Variants in PLA2G7 observed in about 807,000 individuals in gnomAD.
PLA2G7 encodes the protein platelet-activating factor acetylhydrolase.
A neutral mutation model predicts 49.6 loss-of-function variants in PLA2G7; 63 were observed. The ratio of observed to expected loss-of-function variants is 1.27; its 90% confidence interval spans 1.04 to 1.57. PLA2G7 has a LOEUF of 1.57. PLA2G7 is among the 40% of genes most tolerant of loss of function. PLA2G7 has a pLI of 0.00. For missense variants in PLA2G7, 596 were observed against 521.2 expected, an observed-to-expected ratio of 1.14 and a Z score of -1.40; for synonymous variants, 193 against 169.9, an observed-to-expected ratio of 1.14 and a Z score of -1.06.
chr6:46,716,995 T>G lies in PLA2G7; in HGVS notation c.211A>C (p.Met71Leu). Reference protein sequence around the residue: ...GPYSVGCTDLMFDHTNKGTFL... With the variant: ...GPYSVGCTDLLFDHTNKGTFL... The stretch of plus-strand genomic sequence containing the variant: ...ATTACCTTATTAGTGTGATCAAACA[T>G]TAAGTCTGTACAACCAACGGAATAA... The change falls in exon 3 of 12, where the codon ATG (methionine) becomes CTG (leucine). Residue 71 changes from methionine to leucine, a missense_variant. Coordinates refer to ENST00000274793, the MANE Select transcript of PLA2G7 (RefSeq NM_005084.4). 1 of 1,613,716 alleles carries G rather than the reference T, an allele frequency of 6.2e-7. No homozygotes were observed. The highest frequency in any genetic ancestry group is 8.5e-7 in the Non-Finnish European group (1 of 1,179,632).
rs185850654 is a variant in PLA2G7, at chr6:46,731,227, A to G, written c.-35+3953T>C. Among the ~76,000 whole-genome samples the G allele has an allele frequency of 2.6e-4, 40 of 152,270 alleles. No individual in the cohort carries two copies. In the East Asian group the frequency reaches 5.6e-3, roughly 21 times the overall value. Reference sequence around the variant, plus strand: ...TGGTAAACAACTTTAAAACTTCCTGACACTCTAAAACTTAGTGATAAACGA... The same window carrying G: ...TGGTAAACAACTTTAAAACTTCCTGGCACTCTAAAACTTAGTGATAAACGA... On this transcript the variant is annotated intron_variant, in intron 1 of 11. Transcript: ENST00000274793.
chr6:46,725,127 T>C (rs1183265230), intron 1 of PLA2G7, among the ~76,000 whole-genome samples: 1 of 152,198 alleles, frequency 6.6e-6, no homozygotes, highest in East Asian at 1.9e-4. Flanking sequence ...AACAGGAATG[T>C]AGACAGAAAG....
chr6:46,709,248 T>A lies in PLA2G7; in HGVS notation c.869+79A>T, dbSNP rs141228733. 35 of 877,638 alleles carry A rather than the reference T, an allele frequency of 4.0e-5. No individual in the cohort carries two copies. The Admixed American group carries it at 5.3e-4, about 13-fold the overall frequency. 54.4% of individuals were successfully genotyped at this position (877,638 alleles called of 1,614,324 possible). A position where few individuals can be genotyped will look rare whatever the true frequency, so the allele number is the denominator to read the frequency against. ...AGAGATCCCTTCTTCACTAAGAATT[T>A]GAATAAAAAATTATATCTCACAATA... On this transcript the variant is annotated intron_variant, in intron 9 of 11. Coordinates refer to ENST00000274793, the MANE Select transcript of PLA2G7 (RefSeq NM_005084.4).
chr6:46,705,487 G>C (rs1382566360), intron 10 of PLA2G7, among the ~76,000 whole-genome samples, 186 bp from the exon 11 acceptor site: 2 of 152,220 alleles, frequency 1.3e-5, no homozygotes, highest in African/African-American at 4.8e-5. Context: ...AGGGATCCCA[G>C]AGTATATTCT....
At chr6:46,710,211 G>C (rs908028369) in intron 8 of PLA2G7, among the ~76,000 whole-genome samples, 3 of 152,062 alleles carry the variant, frequency 2.0e-5, no homozygotes, top group African/African-American at 7.2e-5. Context: ...TCCCAAACTT[G>C]TGTCAAGTTT....
intron 1 of PLA2G7, among the ~76,000 whole-genome samples, chr6:46,732,624 A>T (rs563550852): frequency 1.3e-5 from 2 of 152,296 alleles, no homozygotes; most frequent in Admixed American, 6.5e-5. Flanking sequence ...AGCCCACTTA[A>T]TTCAATGAGC....
intron 8 of PLA2G7, 72 bp downstream of exon 8, chr6:46,710,473 T>C: frequency 1.0e-6 from 1 of 977,768 alleles, no homozygotes. Context: ...CCTTGCAATA[T>C]AGCAGAAAAT....
Position 46,711,491 on chromosome 6 carries a change from T to C in PLA2G7, c.663+5A>G, listed in dbSNP as rs779343842. The C allele has an allele frequency of 3.1e-6, 5 of 1,613,468 alleles. No individual in the cohort carries two copies. Among genetic ancestry groups the C allele is most frequent in the South Asian group, 2.2e-5 (2 of 91,084 alleles). On this transcript the variant is annotated splice_donor_5th_base_variant and intron_variant, in intron 7 of 11. Coordinates refer to ENST00000274793, the MANE Select transcript of PLA2G7 (RefSeq NM_005084.4). ...CCAACCACCTCTCCTTTCACTGCAA[T>C]GTACCTGCTCATTTCGTATATGTGT...
chr6:46,712,726 G>T (rs1263971680), intron 5 of PLA2G7, among the ~76,000 whole-genome samples: 1 of 152,120 alleles, frequency 6.6e-6, no homozygotes, highest in Non-Finnish European at 1.5e-5. Flanking sequence ...TTTAATCTTG[G>T]CTCTGCCACT....
intron 1 of PLA2G7, among the ~76,000 whole-genome samples, chr6:46,733,558 G>A (rs564809497): frequency 6.6e-6 from 1 of 152,336 alleles, no homozygotes; most frequent in East Asian, 1.9e-4. Flanking sequence ...AGCTTCTGGT[G>A]CACAAATATC....
chr6:46,710,838 T>C (rs539675637), intron 7 of PLA2G7, among the ~76,000 whole-genome samples, 180 bp from the exon 8 acceptor site: 1 of 152,322 alleles, frequency 6.6e-6, no homozygotes, highest in Admixed American at 6.5e-5. Context: ...TAGGTATAGC[T>C]TAGTCCAAAT....
At chr6:46,718,839 T>C (rs1274274947) in intron 2 of PLA2G7, among the ~76,000 whole-genome samples, 1 of 152,264 alleles carries the variant, frequency 6.6e-6, no homozygotes, top group Non-Finnish European at 1.5e-5. Flanking sequence ...CAGAGCCATA[T>C]CCATGTCTTT....
chr6:46,715,234 G>A (rs533745888), intron 4 of PLA2G7, among the ~76,000 whole-genome samples: 1 of 152,266 alleles, frequency 6.6e-6, no homozygotes, highest in Admixed American at 6.5e-5. Context: ...TACACTAAGA[G>A]CCAGAATCTA....
At chr6:46,722,298 G>T (rs1582581192) in intron 2 of PLA2G7, among the ~76,000 whole-genome samples, 1 of 152,134 alleles carries the variant, frequency 6.6e-6, no homozygotes, top group East Asian at 1.9e-4. Flanking sequence ...TTTCCTTTTG[G>T]ATCCCAAGAC....
Position 46,704,472 on chromosome 6 carries a change from TCTCTCTCACACACACA to T in PLA2G7, c.*72_*87del, listed in dbSNP as rs1351367512. On this transcript the variant is annotated 3_prime_UTR_variant, in exon 12 of 12. Transcript: ENST00000274793. ...CTCTCTCTCTCTCTCTCTCTCTCTCTCTCTCTCACACACACACACACACACACACACACACACATAA... is the reference window on the plus strand; with the variant it reads ...CTCTCTCTCTCTCTCTCTCTCTCTCTCACACACACACACACACACACATAA... 2.7e-3 allele frequency: 281 copies of T among 102,314 alleles called. 1 individual carries two copies. Among genetic ancestry groups the T allele is most frequent in the African/African-American group, 0.013 (96 of 7,514 alleles). The allele number at this position is 102,314 out of a possible 1,614,324, so 6.3% of individuals were successfully genotyped here.
At chr6:46,732,619 A>G (rs1765768370) in intron 1 of PLA2G7, among the ~76,000 whole-genome samples, 2 of 152,236 alleles carry the variant, frequency 1.3e-5, no homozygotes, top group Non-Finnish European at 2.9e-5. Flanking sequence ...CAACTAGCCC[A>G]CTTAATTCAA....
intron 5 of PLA2G7, among the ~76,000 whole-genome samples, chr6:46,713,565 A>C (rs543308099): frequency 6.6e-5 from 10 of 152,232 alleles, no homozygotes; most frequent in Non-Finnish European, 1.5e-4. Context: ...TAGCTGAACT[A>C]CATTTACAGT....
At chr6:46,729,080 C>T (rs1023342896) in intron 1 of PLA2G7, among the ~76,000 whole-genome samples, 2 of 152,128 alleles carry the variant, frequency 1.3e-5, no homozygotes, top group African/African-American at 4.8e-5. Context: ...TGCTACACAG[C>T]CCCAGGAATC....
intron 10 of PLA2G7, among the ~76,000 whole-genome samples, chr6:46,707,187 C>G (rs148514254): frequency 1.3e-5 from 2 of 152,108 alleles, no homozygotes; most frequent in African/African-American, 2.4e-5. Context: ...CATATTCTTT[C>G]TCAACAGGTT....
Sources: gnomAD v4.1 joint callset for allele counts (sites outside exome capture counted in the v4.1 genomes callset) on GRCh38, gnomAD v4.1.1 for gene constraint, MANE v1.5 for transcripts, NCBI Gene and HGNC (gene_info 2026-07-23, HGNC 2026-07-21) for gene names.